ZNF878: variants seen among roughly 807,000 people sequenced by gnomAD.
ZNF878 encodes the protein zinc finger protein 878.
A neutral mutation model predicts 11.1 loss-of-function variants in ZNF878; 10 were observed. That is an observed-to-expected ratio of 0.90 (90% confidence interval 0.56 to 1.53). The LOEUF is 1.53. ZNF878 is among the 40% of genes most tolerant of loss of function. The pLI, the probability that ZNF878 is intolerant of heterozygous loss-of-function variation, is 0.00. For synonymous variants in ZNF878, 165 were observed against 209.7 expected (o/e 0.79, Z 1.84); for missense variants, 548 against 626.1 (o/e 0.88, Z 1.33).
chr19:12,048,472 C>T (rs540824956), intron 1 of ZNF878, among the ~76,000 whole-genome samples: 3 of 147,250 alleles, frequency 2.0e-5, no homozygotes, highest in East Asian at 2.0e-4. Flanking sequence ...GAGCCAAGAT[C>T]GAGCCACTGC....
At chr19:12,050,729 T>C (rs1316341920) in intron 1 of ZNF878, among the ~76,000 whole-genome samples, 6 of 152,190 alleles carry the variant, frequency 3.9e-5, no homozygotes, top group Admixed American at 2.0e-4. Flanking sequence ...TTACTTTTCT[T>C]ACACAAAGAC....
intron 1 of ZNF878, among the ~76,000 whole-genome samples, chr19:12,049,854 G>T (rs963332078): frequency 6.6e-6 from 1 of 151,948 alleles, no homozygotes; most frequent in African/African-American, 2.4e-5. Flanking sequence ...AAACACACCA[G>T]AACTGCCCAA....
At chr19:12,050,031 C>T (rs1489568566) in intron 1 of ZNF878, among the ~76,000 whole-genome samples, 1 of 151,978 alleles carries the variant, frequency 6.6e-6, no homozygotes, top group African/African-American at 2.4e-5. Flanking sequence ...TTGAGACCAG[C>T]CTGGCCAACA....
At position 12,046,428 on chromosome 19, in the gene ZNF878, C is replaced by T. The variant is rs902983273; in HGVS notation, c.131G>A (p.Gly44Glu). 6.4e-7 allele frequency: 1 copy of T among 1,572,146 alleles called. No individual in the cohort carries two copies. The highest frequency in any genetic ancestry group is 8.6e-7 in the Non-Finnish European group (1 of 1,159,286). Reference sequence around the variant, plus strand: ...AATGTACTGGTTGTTCCATTTTTTTCCTAAAATGCGGACCCAGAAAAATAG... The same window carrying T: ...AATGTACTGGTTGTTCCATTTTTTTTCTAAAATGCGGACCCAGAAAAATAG... ...QETLRNLTSI[G>E]KKWNNQYIED... Residue 44 changes from glycine (G) to glutamate (E), a missense_variant and splice_region_variant, in exon 3 of 4, where the codon GGA becomes GAA. Physicochemically the swap from Gly to Glu is moderately conservative, Grantham distance 98. Coordinates refer to ENST00000547628, the MANE Select transcript of ZNF878 (RefSeq NM_001080404.3).
At chr19:12,047,691 C>G (rs1975508153) in intron 1 of ZNF878, among the ~76,000 whole-genome samples, 1 of 152,046 alleles carries the variant, frequency 6.6e-6, no homozygotes, top group Admixed American at 6.6e-5. Flanking sequence ...GACACAGTGG[C>G]TCATGCCTAT....
chr19:12,051,114 A>G (rs973611445), intron 1 of ZNF878, among the ~76,000 whole-genome samples: 317 of 109,962 alleles, frequency 2.9e-3, no homozygotes, highest in African/African-American at 0.012. Flanking sequence ...AAAAAAAAAA[A>G]AAAAGAAAAG....
At chr19:12,050,063 A>G (rs1303484778) in intron 1 of ZNF878, among the ~76,000 whole-genome samples, 3 of 151,952 alleles carry the variant, frequency 2.0e-5, no homozygotes, top group East Asian at 3.9e-4. Context: ...TGTCTCTACT[A>G]AAAATACAAA....
Position 12,044,195 on chromosome 19 carries a change from T to C in ZNF878, c.1206A>G (p.Lys402=), listed in dbSNP as rs1975431631. Residue 402 remains lysine (K), a synonymous_variant, in exon 4 of 4, where the codon AAA becomes AAG. Transcript: ENST00000547628. ...EKPYECKQCG[K]AFRSASVLQK... ...GAAGGACTGAGGCAGATCTGAAGGC[T>C]TTCCCACATTGCTTACACTCATAGG... 1.4e-5 allele frequency: 22 copies of C among 1,614,100 alleles called. No homozygotes were observed. The highest frequency in any genetic ancestry group is 1.9e-5 in the Non-Finnish European group (22 of 1,180,014).
chr19:12,046,879 A>G, intron 1 of ZNF878, 119 bp from the exon 2 acceptor site: 3 of 1,435,760 alleles, frequency 2.1e-6, no homozygotes, highest in East Asian at 2.3e-5. Flanking sequence ...CATTTATTCC[A>G]TGACTTGGTC....
intron 3 of ZNF878, among the ~76,000 whole-genome samples, chr19:12,045,581 A>C (rs539891397): frequency 1.3e-5 from 2 of 151,822 alleles, no homozygotes; most frequent in East Asian, 3.9e-4. Flanking sequence ...CGGGAGGCAG[A>C]GCTTACAGTG....
intron 1 of ZNF878, among the ~76,000 whole-genome samples, chr19:12,051,424 G>GT (rs1176868169): frequency 6.6e-6 from 1 of 151,426 alleles, no homozygotes; most frequent in East Asian, 1.9e-4. Context: ...AAATTTCTTT[G>GT]TTTTTTGCCT....
At position 12,046,743 on chromosome 19, in the gene ZNF878, C is replaced by G. The variant is rs780460084; in HGVS notation, c.21G>C (p.Glu7Asp). The G allele has an allele frequency of 1.2e-6, 2 of 1,614,046 alleles. No individual in the cohort carries two copies. The highest frequency in any genetic ancestry group is 1.1e-5 in the South Asian group (1 of 91,084). ...CCTGGGTGAAGTTCACAGCCACATC[C>G]TCAAAGGCCACCGAATCCTGAAATA... MDSVAF[E>D]DVAVNFTQEE... The change falls in exon 2 of 4, where the codon GAG becomes GAC. Residue 7 changes from glutamate (E) to aspartate (D), a missense_variant. Coordinates refer to ENST00000547628, the MANE Select transcript of ZNF878 (RefSeq NM_001080404.3).
At chr19:12,045,654 C>A (rs1410533477) in intron 3 of ZNF878, among the ~76,000 whole-genome samples, 1 of 151,718 alleles carries the variant, frequency 6.6e-6, no homozygotes, top group Non-Finnish European at 1.5e-5. Flanking sequence ...CTCAAACAAA[C>A]AAACAAAGAT....
chr19:12,049,267 C>T (rs56720923), intron 1 of ZNF878, among the ~76,000 whole-genome samples: 8 of 151,542 alleles, frequency 5.3e-5, no homozygotes, highest in African/African-American at 1.9e-4. Flanking sequence ...TCAAGACCAG[C>T]TCAGCCAAAG....
Position 12,044,428 on chromosome 19 carries a change from A to G in ZNF878, c.973T>C (p.Ser325Pro). Residue 325 changes from serine (S) to proline (P), a missense_variant, in exon 4 of 4, where the codon TCC becomes CCC. By Grantham distance (74) the Ser-to-Pro change is moderately conservative. Around this residue, in one of 3 missense-constraint regions of ZNF878, gnomAD observed 335 missense variants for 358.2 expected, o/e 0.94. Coordinates refer to ENST00000547628, the MANE Select transcript of ZNF878 (RefSeq NM_001080404.3). ...TGAGTCTTTTCATGATAGCGAAAGG[A>G]AGTGGAAGAAATAAATCCCTTACCA... ...LCGKGFISST[S>P]FRYHEKTHTG... 3 of 1,613,500 alleles carry G rather than the reference A, an allele frequency of 1.9e-6. No homozygotes were observed. The highest frequency in any genetic ancestry group is 2.5e-6 in the Non-Finnish European group (3 of 1,179,848).
At chr19:12,045,890 C>A (rs1975478228) in intron 3 of ZNF878, among the ~76,000 whole-genome samples, 1 of 151,616 alleles carries the variant, frequency 6.6e-6, no homozygotes, top group Admixed American at 6.6e-5. Context: ...CAGCTAATTT[C>A]TCGTATTTTT....
At chr19:12,049,247 G>A (rs1356211431) in intron 1 of ZNF878, among the ~76,000 whole-genome samples, 1 of 149,790 alleles carries the variant, frequency 6.7e-6, no homozygotes. Flanking sequence ...GATCACCTGA[G>A]GTCAGGAGTT....
At chr19:12,048,753 G>C (rs965121717) in intron 1 of ZNF878, among the ~76,000 whole-genome samples, 17 of 148,116 alleles carry the variant, frequency 1.1e-4, no homozygotes, top group African/African-American at 4.3e-4. Context: ...AGAATCACTT[G>C]AACCTAGGAG....
At chr19:12,048,235 T>G (rs1225417307) in intron 1 of ZNF878, among the ~76,000 whole-genome samples, 1 of 152,032 alleles carries the variant, frequency 6.6e-6, no homozygotes, top group African/African-American at 2.4e-5. Context: ...ATGGCAGGCC[T>G]GGGCTGGGCG....
Sources: allele counts gnomAD v4.1 joint callset (sites outside exome capture counted in the v4.1 genomes callset), GRCh38; gene constraint gnomAD v4.1.1; regional missense constraint gnomAD v4.1.1; transcripts MANE v1.5; gene names NCBI Gene and HGNC (gene_info 2026-07-23, HGNC 2026-07-21).